ADAM9: variants seen among roughly 807,000 people sequenced by gnomAD.
ADAM9 encodes the protein ADAM metallopeptidase domain 9, also known as disintegrin and metalloproteinase domain-containing protein 9.
Under a neutral mutation model 108.1 loss-of-function variants are expected in ADAM9, and 54 were observed. The ratio of observed to expected loss-of-function variants is 0.50; its 90% CI spans 0.40 to 0.63. The LOEUF (loss-of-function observed/expected upper bound fraction) is 0.63, where lower values mean the gene tolerates loss of function less well. ADAM9 is among the 20% of genes least tolerant of loss of function. The pLI, the probability that ADAM9 is intolerant of heterozygous loss-of-function variation, is 0.00. For missense variants in ADAM9, 830 were observed against 997.7 expected (o/e 0.83, Z 2.26); for synonymous variants, 316 against 336.0 (o/e 0.94, Z 0.65).
chr8:39,015,315 C>T (rs1205488101), intron 4 of ADAM9: 1 of 152,088 alleles, frequency 6.6e-6, no homozygotes, highest in Admixed American at 6.6e-5. Flanking sequence ...TTTAACTCAA[C>T]GAATGTTATT....
chr8:39,085,131 CTCTG>C (rs758744191), intron 18 of ADAM9, among the ~76,000 whole-genome samples: 10 of 152,030 alleles, frequency 6.6e-5, no homozygotes, highest in Admixed American at 1.3e-4. Flanking sequence ...ATCTGCCATT[CTCTG>C]TCTTTCAATT....
At chr8:39,072,937 A>T (rs948227032) in intron 15 of ADAM9, among the ~76,000 whole-genome samples, 1 of 152,130 alleles carries the variant, frequency 6.6e-6, no homozygotes, top group Non-Finnish European at 1.5e-5. Context: ...TATACTGGTT[A>T]TCTGTTTGGT....
chr8:39,047,054 C>T (rs866354800), intron 12 of ADAM9, among the ~76,000 whole-genome samples: 31 of 152,190 alleles, frequency 2.0e-4, no homozygotes, highest in African/African-American at 7.2e-4. Flanking sequence ...CAGGTGTGCA[C>T]CACTGCACCT....
At chr8:39,103,199 C>T (rs895916756) in intron 21 of ADAM9, among the ~76,000 whole-genome samples, 2 of 152,168 alleles carry the variant, frequency 1.3e-5, no homozygotes, top group African/African-American at 4.8e-5. Context: ...GAGTGAATCT[C>T]ATGTTGAGGG....
At chr8:39,033,929 T>G (rs1457090411) in intron 11 of ADAM9, among the ~76,000 whole-genome samples, 1 of 152,236 alleles carries the variant, frequency 6.6e-6, no homozygotes, top group Admixed American at 6.5e-5. Context: ...ACACATTGTA[T>G]GAATGGATCA....
chr8:39,078,790 G>GTAAAA (rs772853248), intron 16 of ADAM9, among the ~76,000 whole-genome samples: 9 of 151,898 alleles, frequency 5.9e-5, no homozygotes, highest in Admixed American at 2.0e-4. Context: ...TAAAAATAAA[G>GTAAAA]TAAAATAAAA....
At chr8:39,001,782 C>G (rs922857710) in intron 1 of ADAM9, among the ~76,000 whole-genome samples, 1 of 151,956 alleles carries the variant, frequency 6.6e-6, no homozygotes, top group Non-Finnish European at 1.5e-5. Context: ...ATCCTTCTGC[C>G]TCAGCCTCCT....
At chr8:39,015,906 C>T in intron 4 of ADAM9, 1 of 543,002 alleles carries the variant, frequency 1.8e-6, no homozygotes, top group South Asian at 2.2e-5. Flanking sequence ...TGGAATTTTG[C>T]CTAAACATTT....
intron 3 of ADAM9, among the ~76,000 whole-genome samples, chr8:39,012,040 G>A (rs1836372237): frequency 6.6e-6 from 1 of 152,214 alleles, no homozygotes; most frequent in Non-Finnish European, 1.5e-5. Flanking sequence ...GAAAGACTAA[G>A]GTTCCACAGG....
At chr8:39,039,308 A>G (rs1265276595) in intron 11 of ADAM9, among the ~76,000 whole-genome samples, 1 of 152,338 alleles carries the variant, frequency 6.6e-6, no homozygotes, top group Non-Finnish European at 1.5e-5. Context: ...TGTATTTAAG[A>G]TGTACAACAT....
intron 12 of ADAM9, among the ~76,000 whole-genome samples, chr8:39,044,950 G>A (rs1837581043): frequency 6.7e-6 from 1 of 149,994 alleles, no homozygotes; most frequent in Admixed American, 6.6e-5. Context: ...ACCTATGTAT[G>A]TGTATATGTG....
At chr8:39,096,123 G>A (rs1341504234) in intron 20 of ADAM9, among the ~76,000 whole-genome samples, 3 of 125,774 alleles carry the variant, frequency 2.4e-5, no homozygotes, top group African/African-American at 7.6e-5. Context: ...TATCACATGG[G>A]GTACATGTGA....
In ADAM9 at chr8:39,077,496, A is replaced by T. The variant is rs762448536; in HGVS notation, c.1881+85A>T. The T allele has an allele frequency of 4.3e-5, 53 of 1,244,340 alleles. No homozygotes were observed. In the Admixed American group the frequency reaches 1.4e-3, roughly 33 times the overall value. The allele number at this position is 1,244,340 out of a possible 1,614,324, so 77.1% of individuals were successfully genotyped here. On this transcript the variant is annotated intron_variant, in intron 16 of 21. Transcript: ENST00000487273. ...CATAGTAAGTGGTTGCTCTTTTCTG[A>T]TTGTAAAAGTAATCTAAATTCATTA... is the stretch of plus-strand genomic sequence containing the variant.
At chr8:39,091,742 C>T (rs1307318147) in intron 20 of ADAM9, among the ~76,000 whole-genome samples, 1 of 152,180 alleles carries the variant, frequency 6.6e-6, no homozygotes, top group African/African-American at 2.4e-5. Flanking sequence ...CCGCCTTGGC[C>T]TCCCAAAGTG....
chr8:39,104,726 A>G lies in ADAM9; in HGVS notation c.*1026A>G. The G allele has an allele frequency of 2.2e-6, 1 of 453,870 alleles. No individual in the cohort carries two copies. The highest frequency in any genetic ancestry group is 1.6e-5 in the South Asian group (1 of 64,436). 28.1% of individuals were successfully genotyped at this position (453,870 alleles called of 1,614,324 possible). ...TTCATAGAAATTAGGCTGGAGAAAG[A>G]AGGAAGAAATGGTTTTCTTAAATAC... On this transcript the variant is annotated 3_prime_UTR_variant, in exon 22 of 22. Coordinates refer to ENST00000487273, the MANE Select transcript of ADAM9 (RefSeq NM_003816.3).
In ADAM9 at chr8:38,997,036, C is replaced by A; in HGVS notation, c.-28C>A. 6.2e-7 allele frequency: 1 copy of A among 1,603,376 alleles called. No individual in the cohort carries two copies. The highest frequency in any genetic ancestry group is 8.5e-7 in the Non-Finnish European group (1 of 1,178,884). ...AGGCGGAGGTGGAGGCGACCGAGTG[C>A]TGAGAGGAACCTGCGGAATCGGCCG... On this transcript the variant is annotated 5_prime_UTR_variant, in exon 1 of 22. The change creates a new upstream start codon in the 5' untranslated region. Coordinates refer to ENST00000487273, the MANE Select transcript of ADAM9 (RefSeq NM_003816.3).
chr8:39,014,894 T>C (rs1481486804), intron 4 of ADAM9: 6 of 239,060 alleles, frequency 2.5e-5, no homozygotes, highest in Non-Finnish European at 4.8e-5. Flanking sequence ...TGGTCCACTA[T>C]CTGATTTCTT....
At chr8:39,050,168 T>C (rs1362129116) in intron 12 of ADAM9, among the ~76,000 whole-genome samples, 1 of 152,182 alleles carries the variant, frequency 6.6e-6, no homozygotes, top group Non-Finnish European at 1.5e-5. Context: ...GATGAATTGC[T>C]TTCTTTCTTA....
chr8:39,016,147 G>A lies in ADAM9; in HGVS notation c.363G>A (p.Glu121=), dbSNP rs571073007. 6.3e-5 allele frequency: 101 copies of A among 1,613,796 alleles called. No homozygotes were observed. In the South Asian group the frequency reaches 1.1e-3, roughly 17 times the overall value. The change falls in exon 5 of 22, where the codon GAG becomes GAA. Residue 121 remains glutamate (E), a synonymous_variant. Coordinates refer to ENST00000487273, the MANE Select transcript of ADAM9 (RefSeq NM_003816.3). ...ATTGTCATTATCGGGGCTATGTGGAGGGAGTTCATAATTCATCCATTGCTC... is the reference window on the plus strand; with the variant it reads ...ATTGTCATTATCGGGGCTATGTGGAAGGAGTTCATAATTCATCCATTGCTC... ...QNHCHYRGYV[E]GVHNSSIALS...
Sources: gnomAD v4.1 joint callset for allele counts (sites outside exome capture counted in the v4.1 genomes callset) on GRCh38, gnomAD v4.1.1 for gene constraint, MANE v1.5 for transcripts, NCBI Gene and HGNC (gene_info 2026-07-23, HGNC 2026-07-21) for gene names.